TIAM1: variants seen among roughly 807,000 people sequenced by gnomAD.
TIAM1 encodes TIAM Rac1 associated GEF 1, also known as rho guanine nucleotide exchange factor TIAM1.
In TIAM1, 65 loss-of-function variants were observed where a neutral mutation model predicts 163.5. The observed-to-expected ratio is 0.40, with a 90% CI of 0.33 to 0.49. The LOEUF is 0.49. TIAM1 is among the 20% of genes least tolerant of loss of function. TIAM1 has a pLI of 0.77. For synonymous variants in TIAM1, 833 were observed against 810.1 expected (o/e 1.03, Z -0.48); for missense variants, 1,789 against 2,044.7 (o/e 0.87, Z 2.41).
At chr21:31,299,537 T>A (rs1293550168) in intron 2 of TIAM1, among the ~76,000 whole-genome samples, 1 of 152,214 alleles carries the variant, frequency 6.6e-6, no homozygotes, top group South Asian at 2.1e-4. Flanking sequence ...TAATTATTAA[T>A]CTTGAAATCT....
chr21:31,356,980 T>C (rs1356553731), intron 2 of TIAM1, among the ~76,000 whole-genome samples: 5 of 152,190 alleles, frequency 3.3e-5, no homozygotes, highest in Admixed American at 6.5e-5. Context: ...ATAAACATTT[T>C]TAAAATTTTT....
At chr21:31,135,803 C>T in intron 23 of TIAM1, 130 bp downstream of exon 23, 1 of 810,448 alleles carries the variant, frequency 1.2e-6, no homozygotes, top group African/African-American at 1.7e-5. Flanking sequence ...GTGGCTACGG[C>T]AGGAAGACCG....
At chr21:31,360,812 G>A (rs1209216986) in intron 2 of TIAM1, among the ~76,000 whole-genome samples, 2 of 152,146 alleles carry the variant, frequency 1.3e-5, no homozygotes, top group Non-Finnish European at 2.9e-5. Flanking sequence ...TAGGAGCTTG[G>A]CCATGCTGGT....
At chr21:31,518,932 C>T (rs1039251543) in intron 1 of TIAM1, among the ~76,000 whole-genome samples, 5 of 152,180 alleles carry the variant, frequency 3.3e-5, no homozygotes, top group Admixed American at 6.5e-5. Flanking sequence ...AAATGGCTCA[C>T]GCCTGTAATC....
intron 2 of TIAM1, among the ~76,000 whole-genome samples, chr21:31,431,250 T>C (rs1659252629): frequency 6.6e-6 from 1 of 152,212 alleles, no homozygotes; most frequent in African/African-American, 2.4e-5. Context: ...TGAGATGCAC[T>C]CCACGTATGT....
At chr21:31,384,128 T>C (rs2076825941) in intron 2 of TIAM1, among the ~76,000 whole-genome samples, 1 of 152,104 alleles carries the variant, frequency 6.6e-6, no homozygotes, top group Non-Finnish European at 1.5e-5. Flanking sequence ...TGTTCATAGA[T>C]GCACTTCCAG....
chr21:31,442,542 T>C (rs891841658), intron 2 of TIAM1, among the ~76,000 whole-genome samples: 4 of 152,298 alleles, frequency 2.6e-5, no homozygotes, highest in African/African-American at 4.8e-5. Flanking sequence ...CGGGAGATTC[T>C]TGCAATCTTG....
chr21:31,326,044 T>A (rs1222577063), intron 2 of TIAM1, among the ~76,000 whole-genome samples: 2 of 152,194 alleles, frequency 1.3e-5, no homozygotes, highest in Non-Finnish European at 2.9e-5. Context: ...CTGAGGCCTC[T>A]GCTTTTCCAC....
intron 2 of TIAM1, among the ~76,000 whole-genome samples, chr21:31,367,296 C>T (rs902836035): frequency 6.6e-6 from 1 of 152,140 alleles, no homozygotes; most frequent in Non-Finnish European, 1.5e-5. Context: ...GCTGGAAGAA[C>T]GCCACTATTG....
In TIAM1 at chr21:31,130,916, C is replaced by T. The variant is rs1486230140; in HGVS notation, c.3916G>A (p.Asp1306Asn). Reference protein sequence around the residue: ...FKTAVVLVYKDGSKQKKKLVG... With the variant: ...FKTAVVLVYKNGSKQKKKLVG... Reference sequence around the variant, plus strand: ...AGTTTCTTCTTCTGTTTGGAACCATCTTTATACACAAGGACCACAGCAGTT... The same window carrying T: ...AGTTTCTTCTTCTGTTTGGAACCATTTTTATACACAAGGACCACAGCAGTT... Residue 1306 changes from aspartate (D) to asparagine (N), a missense_variant, in exon 24 of 28, where the codon GAT becomes AAT. Physicochemically the swap from Asp to Asn is conservative, Grantham distance 23. Transcript: ENST00000541036. The T allele has an allele frequency of 1.9e-6, 3 of 1,613,920 alleles. No homozygotes were observed. Among genetic ancestry groups the T allele is most frequent in the Admixed American group, 1.7e-5 (1 of 60,008 alleles).
chr21:31,547,736 C>G (rs1296857795), intron 1 of TIAM1, among the ~76,000 whole-genome samples: 2 of 152,126 alleles, frequency 1.3e-5, no homozygotes, highest in African/African-American at 4.8e-5. Context: ...AGACCATGCA[C>G]CACACTTGGA....
In TIAM1 at chr21:31,505,764, G is replaced by A. The variant is rs2047002222; in HGVS notation, c.-421-41729C>T. Reference sequence around the variant, plus strand: ...TTTTTTTTGTAATCCTAGCAGTTTGGGAGGCTGAAGCGGGCGGATCACCTG... The same window carrying A: ...TTTTTTTTGTAATCCTAGCAGTTTGAGAGGCTGAAGCGGGCGGATCACCTG... On this transcript the variant is annotated intron_variant, in intron 1 of 28. Coordinates refer to the TIAM1 transcript ENST00000286827. Among the ~76,000 whole-genome samples the A allele has an allele frequency of 3.3e-5, 5 of 152,216 alleles. No individual in the cohort carries two copies. In the South Asian group the frequency reaches 1.0e-3, roughly 32 times the overall value.
chr21:31,389,592 T>C (rs1035208020), intron 2 of TIAM1, among the ~76,000 whole-genome samples: 1 of 152,226 alleles, frequency 6.6e-6, no homozygotes, highest in Non-Finnish European at 1.5e-5. Flanking sequence ...CTGAGCCACA[T>C]GCTACAACAC....
At chr21:31,352,445 T>C (rs1413341684) in intron 2 of TIAM1, among the ~76,000 whole-genome samples, 1 of 152,026 alleles carries the variant, frequency 6.6e-6, no homozygotes, top group Non-Finnish European at 1.5e-5. Context: ...TTAAAAATAG[T>C]TAAAATGCCA....
chr21:31,410,655 C>T (rs2077340447), intron 2 of TIAM1, among the ~76,000 whole-genome samples: 1 of 150,728 alleles, frequency 6.6e-6, no homozygotes, highest in East Asian at 2.0e-4. Context: ...AGTGTGTGTG[C>T]TGATATGTAT....
Position 31,160,719 on chromosome 21 carries a change from C to G in TIAM1, c.2991+4243G>C, listed in dbSNP as rs966570457. The G allele has an allele frequency of 7.8e-6, 3 of 385,890 alleles. No individual in the cohort carries two copies. In the East Asian group the frequency reaches 1.1e-4, roughly 14 times the overall value. The allele number at this position is 385,890 out of a possible 1,614,324, so 23.9% of individuals were successfully genotyped here. On this transcript the variant is annotated intron_variant, in intron 16 of 27. Coordinates refer to ENST00000541036, the MANE Select transcript of TIAM1 (RefSeq NM_001353694.2). The stretch of plus-strand genomic sequence containing the variant: ...CGGCCACGTCTCAACGCAGCAAGGA[C>G]AGCGACGGTGAGACCCCGGAGCTGC...
chr21:31,501,326 T>G (rs2046841686), intron 1 of TIAM1, among the ~76,000 whole-genome samples: 1 of 152,092 alleles, frequency 6.6e-6, no homozygotes. Context: ...ATTTTTTTTG[T>G]TTTTAAAAAC....
At chr21:31,511,952 A>C (rs2047223552) in intron 1 of TIAM1, among the ~76,000 whole-genome samples, 1 of 152,314 alleles carries the variant, frequency 6.6e-6, no homozygotes, top group African/African-American at 2.4e-5. Context: ...ATGGGCACGA[A>C]GGAGAGTGGC....
At chr21:31,406,057 C>T (rs911267719) in intron 2 of TIAM1, among the ~76,000 whole-genome samples, 3 of 152,080 alleles carry the variant, frequency 2.0e-5, no homozygotes, top group Non-Finnish European at 4.4e-5. Context: ...CTAAATTCTT[C>T]TCAAAGATAC....
Sources: gnomAD v4.1 joint callset for allele counts (sites outside exome capture counted in the v4.1 genomes callset) on GRCh38, gnomAD v4.1.1 for gene constraint, MANE v1.5 for transcripts, NCBI Gene and HGNC (gene_info 2026-07-23, HGNC 2026-07-21) for gene names.